CDC27: variants seen among roughly 807,000 people sequenced by gnomAD.
The protein encoded by CDC27 is cell division cycle protein 27 homolog.
In CDC27, 27 loss-of-function variants were observed where a neutral mutation model predicts 109.7. The observed-to-expected ratio is 0.25, with a 90% CI of 0.18 to 0.34. CDC27 has a LOEUF of 0.34. Among genes scored for constraint, CDC27 ranks in the 10% least tolerant of loss-of-function variants. The pLI, the probability that CDC27 is intolerant of heterozygous loss-of-function variation, is 1.00. For missense variants in CDC27, 579 were observed against 960.2 expected (o/e 0.60, Z 5.25); for synonymous variants, 266 against 333.9 (o/e 0.80, Z 2.22).
At chr17:47,142,547 A>G (rs1237650665) in intron 10 of CDC27, 111 bp from the exon 11 acceptor site, 1 of 515,322 alleles carries the variant, frequency 1.9e-6, no homozygotes, top group South Asian at 3.5e-5. Flanking sequence ...GATTAATTCT[A>G]TATTTTTTTC....
Position 47,117,815 on chromosome 17 carries a change from T to G in CDC27, c.*3120A>C, listed in dbSNP as rs574111157. 5.9e-5 allele frequency: 9 copies of G among 152,224 alleles called. No homozygotes were observed. Among genetic ancestry groups the G allele is most frequent in the Non-Finnish European group, 1.3e-4 (9 of 68,032 alleles). 9.4% of individuals were successfully genotyped at this position (152,224 alleles called of 1,614,324 possible). A position where few individuals can be genotyped will look rare whatever the true frequency, so the allele number is the denominator to read the frequency against. On this transcript the variant is annotated 3_prime_UTR_variant, in exon 19 of 19. Transcript: ENST00000066544. ...TAAGTTTTAAAAAATTAGATAAACA[T>G]TGCTCTAGTTTTTTGTGAAACATAA...
intron 12 of CDC27, 67 bp downstream of exon 12, chr17:47,141,785 TG>T: frequency 1.1e-6 from 1 of 891,862 alleles, no homozygotes; most frequent in Non-Finnish European, 1.7e-6. Flanking sequence ...TTCTTAAGCA[TG>T]GGCATTTATT....
Position 47,137,346 on chromosome 17 carries a change from T to C in CDC27, c.1719A>G (p.Ala573=). 1.3e-6 allele frequency: 2 copies of C among 1,593,658 alleles called. No individual in the cohort carries two copies. Among genetic ancestry groups the C allele is most frequent in the Non-Finnish European group, 1.7e-6 (2 of 1,171,582 alleles). The change falls in exon 14 of 19, where the codon GCA becomes GCG. Residue 573 remains alanine, a synonymous_variant. Transcript: ENST00000066544. ...CCCGTTGCAGACTGAAACAGTTCCC[T>C]GCAGCACACCAGGCCTTAAAAAAAT... ...DKNSPEAWCA[A]GNCFSLQREH... is the part of the protein sequence containing the mutation.
chr17:47,188,895 G>T, intron 1 of CDC27: 1 of 1,387,098 alleles, frequency 7.2e-7, no homozygotes, highest in Non-Finnish European at 9.4e-7. Context: ...CCGGACGTTG[G>T]CTCGGACGGG....
rs924288565 is a variant in CDC27 at position 47,120,867 on chromosome 17, A to G, written c.*68T>C. The G allele has an allele frequency of 4.4e-6, 5 of 1,125,806 alleles. No individual in the cohort carries two copies. In the African/African-American group the frequency reaches 7.6e-5, roughly 17 times the overall value. The allele number at this position is 1,125,806 out of a possible 1,614,324, so 69.7% of individuals were successfully genotyped here. On this transcript the variant is annotated 3_prime_UTR_variant, in exon 19 of 19. Transcript: ENST00000066544. ...GCCAGCTCAAGAGTAAAGACTCAGTATACAGAGGGACAAGAAACACGTCAG... is the reference window on the plus strand; with the variant it reads ...GCCAGCTCAAGAGTAAAGACTCAGTGTACAGAGGGACAAGAAACACGTCAG...
intron 18 of CDC27, among the ~76,000 whole-genome samples, chr17:47,121,928 C>G (rs892512622): frequency 6.6e-6 from 1 of 151,870 alleles, no homozygotes; most frequent in Non-Finnish European, 1.5e-5. Context: ...TTAGTAGAGA[C>G]GAGGTTTCAC....
At chr17:47,154,980 C>T in intron 7 of CDC27, 194 bp from the exon 8 acceptor site, 1 of 406,488 alleles carries the variant, frequency 2.5e-6, no homozygotes, top group Non-Finnish European at 4.3e-6. Context: ...TTTTAAAAAG[C>T]TATCAAACAA....
intron 3 of CDC27, among the ~76,000 whole-genome samples, chr17:47,171,370 G>A (rs751728749): frequency 2.8e-4 from 43 of 152,136 alleles, no homozygotes; most frequent in Non-Finnish European, 4.1e-4. Flanking sequence ...ATCTAACACC[G>A]TTTACACATG....
intron 2 of CDC27, among the ~76,000 whole-genome samples, chr17:47,180,924 A>G (rs1046449848): frequency 2.1e-4 from 31 of 148,016 alleles, no homozygotes; most frequent in Admixed American, 4.7e-4. Context: ...GTTCTTCACC[A>G]TAGAATACAG....
chr17:47,122,657 A>G (rs1168710104), intron 17 of CDC27, 57 bp from the exon 18 acceptor site: 3 of 1,294,960 alleles, frequency 2.3e-6, no homozygotes, highest in Non-Finnish European at 2.1e-6. Context: ...CAACTATAAA[A>G]TTCTAACTAT....
intron 2 of CDC27, among the ~76,000 whole-genome samples, chr17:47,176,121 T>C (rs2063996487): frequency 6.6e-6 from 1 of 152,206 alleles, no homozygotes; most frequent in Admixed American, 6.5e-5. Flanking sequence ...TGCTATTATT[T>C]TAATTATTGG....
chr17:47,120,954 G>T lies in CDC27; in HGVS notation c.2456C>A (p.Ala819Asp). The T allele has an allele frequency of 6.2e-7, 1 of 1,612,160 alleles. No homozygotes were observed. Residue 819 changes from alanine (A) to aspartate (D), a missense_variant, in exon 19 of 19, where the codon GCT becomes GAT. This residue lies in a region of CDC27 where 227 missense variants were observed against 363.6 expected (regional missense o/e 0.62). Transcript: ENST00000066544. ...CAGAAGTTAAAATTCATCACTTTCA[G>T]CTGCATGAAGTTGTGTGTCATCCGC... Reference protein sequence around the residue: ...TDADDTQLHAAESDEF With the variant: ...TDADDTQLHADESDEF
intron 15 of CDC27, among the ~76,000 whole-genome samples, chr17:47,130,314 C>G (rs1394410004): frequency 6.6e-6 from 1 of 151,672 alleles, no homozygotes; most frequent in Non-Finnish European, 1.5e-5. Flanking sequence ...GAGCCAAGAT[C>G]GCGCCACTGC....
Position 47,118,306 on chromosome 17 carries a change from A to G in CDC27, c.*2629T>C, listed in dbSNP as rs1322642809. The G allele has an allele frequency of 6.6e-6, 1 of 152,396 alleles. No individual in the cohort carries two copies. The highest frequency in any genetic ancestry group is 1.5e-5 in the Non-Finnish European group (1 of 68,018). The allele number at this position is 152,396 out of a possible 1,614,324, so 9.4% of individuals were successfully genotyped here. A position where few individuals can be genotyped will look rare whatever the true frequency, so the allele number is the denominator to read the frequency against. On this transcript the variant is annotated 3_prime_UTR_variant, in exon 19 of 19. Transcript: ENST00000066544. ...CAAATGTTACTTGTAGTTCTCGGAAAAATTAAAAATTTTAAGTGATGAATA... is the reference window on the plus strand; with the variant it reads ...CAAATGTTACTTGTAGTTCTCGGAAGAATTAAAAATTTTAAGTGATGAATA...
chr17:47,118,292 TGTA>T lies in CDC27; in HGVS notation c.*2640_*2642del, dbSNP rs1229404748. 1 of 152,432 alleles carries T rather than the reference TGTA, an allele frequency of 6.6e-6. No homozygotes were observed. The highest frequency in any genetic ancestry group is 1.5e-5 in the Non-Finnish European group (1 of 68,046). 9.4% of individuals were successfully genotyped at this position (152,432 alleles called of 1,614,324 possible). A position where few individuals can be genotyped will look rare whatever the true frequency, so the allele number is the denominator to read the frequency against. Reference sequence around the variant, plus strand: ...ACAGCAGCATGGTTCAAATGTTACTTGTAGTTCTCGGAAAAATTAAAAATTTTA... The same window carrying T: ...ACAGCAGCATGGTTCAAATGTTACTTGTTCTCGGAAAAATTAAAAATTTTA... On this transcript the variant is annotated 3_prime_UTR_variant, in exon 19 of 19. Transcript: ENST00000066544.
intron 1 of CDC27, among the ~76,000 whole-genome samples, chr17:47,187,078 T>G (rs749275368): frequency 6.6e-6 from 1 of 152,214 alleles, no homozygotes; most frequent in African/African-American, 2.4e-5. Context: ...TCTTATACTA[T>G]ACAACCAAAA....
chr17:47,167,799 CA>C (rs1040459154), intron 4 of CDC27, among the ~76,000 whole-genome samples: 1 of 152,184 alleles, frequency 6.6e-6, no homozygotes, highest in Non-Finnish European at 1.5e-5. Flanking sequence ...TAGACAGCCT[CA>C]GGTCCCACAG....
chr17:47,121,341 C>A (rs2061977488), intron 18 of CDC27, among the ~76,000 whole-genome samples: 1 of 152,128 alleles, frequency 6.6e-6, no homozygotes, highest in Non-Finnish European at 1.5e-5. Context: ...TTTCCCCCAA[C>A]CTCCAATCAC....
chr17:47,156,746 C>T, intron 7 of CDC27, 167 bp downstream of exon 7: 1 of 426,734 alleles, frequency 2.3e-6, no homozygotes, highest in Non-Finnish European at 4.1e-6. Flanking sequence ...CCGCACCTGG[C>T]AACATCACTA....
Sources: gnomAD v4.1 joint callset for allele counts (sites outside exome capture counted in the v4.1 genomes callset) on GRCh38, gnomAD v4.1.1 for gene constraint, gnomAD v4.1.1 regional missense constraint, MANE v1.5 for transcripts, NCBI Gene and HGNC (gene_info 2026-07-23, HGNC 2026-07-21) for gene names.